Variants in ADAM30 observed in about 807,000 individuals in gnomAD.
ADAM30 encodes the protein disintegrin and metalloproteinase domain-containing protein 30.
For synonymous variants in ADAM30, 382 were observed against 340.9 expected, an observed-to-expected ratio of 1.12 and a Z score of -1.33; for missense variants, 960 against 959.4, an observed-to-expected ratio of 1.00 and a Z score of -0.01.
rs2793823 is a variant in ADAM30, at chr1:119,895,095, G to A, written c.1242C>T (p.Asp414=). 0.16 allele frequency: 261,349 copies of A among 1,613,932 alleles called. 31,295 individuals are homozygous for A. Among genetic ancestry groups the A allele is most frequent in the African/African-American group, 0.61 (45,745 of 74,932 alleles). The change falls in exon 1 of 1, where the codon GAC becomes GAT. Residue 414 remains aspartate, a synonymous_variant. Coordinates refer to ENST00000369400, the MANE Select transcript of ADAM30 (RefSeq NM_021794.4). ...NKIVEDNEEC[D]CGSTEECQKD... is the part of the protein sequence containing the mutation. The stretch of plus-strand genomic sequence containing the variant: ...TCTGACACTCCTCTGTGGAACCACA[G>A]TCACATTCCTCATTGTCCTCCACAA...
In ADAM30 at chr1:119,894,295, G is replaced by GC; in HGVS notation, c.2041dup (p.Ala681GlyfsTer51). On this transcript the variant is annotated frameshift_variant, in exon 1 of 1. Transcript: ENST00000369400. LOFTEE classifies it low-confidence loss of function (END_TRUNC). ...CACAACCCAAATTGACGAGGGAATC[G>GC]CCCCTCTGAGCAGTCCTGGAGGCCC... The GC allele has an allele frequency of 6.2e-7, 1 of 1,614,088 alleles. No individual in the cohort carries two copies. The highest frequency in any genetic ancestry group is 2.2e-5 in the East Asian group (1 of 44,892).
chr1:119,896,122 T>C lies in ADAM30; in HGVS notation c.215A>G (p.Lys72Arg). ...VSYLLQLKGKKHVLHLWPKRL... is the reference protein window; with the variant it reads ...VSYLLQLKGKRHVLHLWPKRL... ...CTTGGGCCACAAATGGAGGACGTGC[T>C]TCTTGCCTTTTAACTGCAGTAGGTA... Residue 72 changes from lysine to arginine, a missense_variant, in exon 1 of 1, where the codon AAG becomes AGG. Lys to Arg is a conservative substitution (Grantham distance 26). Transcript: ENST00000369400. The C allele has an allele frequency of 6.2e-7, 1 of 1,614,090 alleles. No homozygotes were observed. The highest frequency in any genetic ancestry group is 2.2e-5 in the East Asian group (1 of 44,878).
In ADAM30 at chr1:119,895,682, C is replaced by A. The variant is rs776477537; in HGVS notation, c.655G>T (p.Val219Leu). Residue 219 changes from valine (V) to leucine (L), a missense_variant, in exon 1 of 1, where the codon GTG (valine) becomes TTG (leucine). Val to Leu is a conservative substitution (Grantham distance 32). Coordinates refer to ENST00000369400, the MANE Select transcript of ADAM30 (RefSeq NM_021794.4). ...LLFDQSRYRF[V>L]NNNLSQVIHD... ...ATGACTTGAGAAAGATTGTTGTTCA[C>A]AAACCTATACCTACTTTGATCAAAG... 1 of 1,614,114 alleles carries A rather than the reference C, an allele frequency of 6.2e-7. No individual in the cohort carries two copies. Among genetic ancestry groups the A allele is most frequent in the Non-Finnish European group, 8.5e-7 (1 of 1,180,034 alleles).
At position 119,895,585 on chromosome 1, in the gene ADAM30, T is replaced by G. The variant is rs1378107188; in HGVS notation, c.752A>C (p.Lys251Thr). The change falls in exon 1 of 1, where the codon AAG (lysine) becomes ACG (threonine). Residue 251 changes from lysine to threonine, a missense_variant. Lys to Thr is a moderately conservative substitution (Grantham distance 78). Coordinates refer to ENST00000369400, the MANE Select transcript of ADAM30 (RefSeq NM_021794.4). ...AAAATCTGTCCATACTTCAAGAGCCTTTAAGTGTATCCTCATACGAACATC... is the reference window on the plus strand; with the variant it reads ...AAAATCTGTCCATACTTCAAGAGCCGTTAAGTGTATCCTCATACGAACATC... ...FQDVRMRIHL[K>T]ALEVWTDFNK... 1 of 1,613,882 alleles carries G rather than the reference T, an allele frequency of 6.2e-7. No homozygotes were observed. The highest frequency in any genetic ancestry group is 8.5e-7 in the Non-Finnish European group (1 of 1,180,022).
Position 119,894,678 on chromosome 1 carries a change from T to A in ADAM30, c.1659A>T (p.Ile553=), listed in dbSNP as rs751654778. 6.2e-7 allele frequency: 1 copy of A among 1,614,150 alleles called. No homozygotes were observed. Among genetic ancestry groups the A allele is most frequent in the Middle Eastern group, 1.6e-4 (1 of 6,062 alleles). The change falls in exon 1 of 1, where the codon ATA becomes ATT. Residue 553 remains isoleucine (I), a synonymous_variant. Coordinates refer to ENST00000369400, the MANE Select transcript of ADAM30 (RefSeq NM_021794.4). ...NFKKCESANS[I]CGRLQCINVE... ...CATTTATACACTGTAGCCTGCCACA[T>A]ATTGAATTTGCACTTTCACACTTTT...
Position 119,895,876 on chromosome 1 carries a change from C to G in ADAM30, c.461G>C (p.Ser154Thr). The change falls in exon 1 of 1, where the codon AGT becomes ACT. Residue 154 changes from serine to threonine, a missense_variant. Physicochemically the swap from Ser to Thr is moderately conservative, Grantham distance 58. Transcript: ENST00000369400. ...CAGGAGATAGACGACATGTTCAAAA[C>G]TGGGAGAGGCCTTGAGGGGCTCAAT... Reference protein sequence around the residue: ...YQIEPLKASPSFEHVVYLLKK... With the variant: ...YQIEPLKASPTFEHVVYLLKK... 6.2e-7 allele frequency: 1 copy of G among 1,614,156 alleles called. No individual in the cohort carries two copies. Among genetic ancestry groups the G allele is most frequent in the Non-Finnish European group, 8.5e-7 (1 of 1,180,036 alleles).
Position 119,895,357 on chromosome 1 carries a change from G to A in ADAM30, c.980C>T (p.Thr327Ile). The change falls in exon 1 of 1, where the codon ACA becomes ATA. Residue 327 changes from threonine to isoleucine, a missense_variant. Thr to Ile is a moderately conservative substitution (Grantham distance 89, BLOSUM62 -1). Transcript: ENST00000369400. ...YAGSVSTLLD[T>I]NILAPATWSA... is the part of the protein sequence containing the mutation. ...CCAGGTAGCAGGGGCAAGGATATTT[G>A]TATCTAGTAAAGTACTCACTGATCC... 1.2e-6 allele frequency: 2 copies of A among 1,614,098 alleles called. No individual in the cohort carries two copies. The highest frequency in any genetic ancestry group is 1.7e-6 in the Non-Finnish European group (2 of 1,180,024).
In ADAM30 at chr1:119,895,266, A is replaced by T. The variant is rs992094249; in HGVS notation, c.1071T>A (p.Gly357=). ...SHDEQYCQCR[G]RLNCIMGSGR... ...CTGAGCCCATGATGCAATTAAGCCTACCCCTACATTGGCAGTATTGTTCAT... is the reference window on the plus strand; with the variant it reads ...CTGAGCCCATGATGCAATTAAGCCTTCCCCTACATTGGCAGTATTGTTCAT... The change falls in exon 1 of 1, where the codon GGT becomes GGA. Residue 357 remains glycine, a synonymous_variant. Coordinates refer to ENST00000369400, the MANE Select transcript of ADAM30 (RefSeq NM_021794.4). The T allele has an allele frequency of 2.5e-6, 4 of 1,614,004 alleles. No homozygotes were observed. Among genetic ancestry groups the T allele is most frequent in the Non-Finnish European group, 3.4e-6 (4 of 1,180,002 alleles).
In ADAM30 at chr1:119,893,991, T is replaced by C. The variant is rs1040440428; in HGVS notation, c.2346A>G (p.Ala782=). ...KANIESKRPK[A]KSVKKQKK Reference sequence around the variant, plus strand: ...ACTTTTTTTGTTTCTTGACACTCTTTGCTTTGGGTCGTTTACTTTCAATGT... The same window carrying C: ...ACTTTTTTTGTTTCTTGACACTCTTCGCTTTGGGTCGTTTACTTTCAATGT... The change falls in exon 1 of 1, where the codon GCA becomes GCG. Residue 782 remains alanine (A), a synonymous_variant. Coordinates refer to ENST00000369400, the MANE Select transcript of ADAM30 (RefSeq NM_021794.4). 2.5e-6 allele frequency: 4 copies of C among 1,611,130 alleles called. No homozygotes were observed. Among genetic ancestry groups the C allele is most frequent in the Non-Finnish European group, 3.4e-6 (4 of 1,179,374 alleles).
Position 119,893,962 on chromosome 1 carries a change from G to A in ADAM30, c.*2C>T, listed in dbSNP as rs371480228. The A allele has an allele frequency of 1.0e-4, 163 of 1,605,606 alleles. 1 individual carries two copies. Among genetic ancestry groups the A allele is most frequent in the South Asian group, 9.0e-4 (80 of 88,540 alleles). On this transcript the variant is annotated 3_prime_UTR_variant, in exon 1 of 1. Coordinates refer to ENST00000369400, the MANE Select transcript of ADAM30 (RefSeq NM_021794.4). ...GTTACTGAATGAGTATGGATTGCCC[G>A]GTTACTTTTTTTGTTTCTTGACACT... is the stretch of plus-strand genomic sequence containing the variant.
In ADAM30 at chr1:119,894,145, TC is replaced by T; in HGVS notation, c.2191del (p.Glu731AsnfsTer95). 6.2e-7 allele frequency: 1 copy of T among 1,613,712 alleles called. No individual in the cohort carries two copies. The highest frequency in any genetic ancestry group is 1.3e-5 in the African/African-American group (1 of 74,970). On this transcript the variant is annotated frameshift_variant, in exon 1 of 1. Coordinates refer to ENST00000369400, the MANE Select transcript of ADAM30 (RefSeq NM_021794.4). LOFTEE classifies it low-confidence loss of function (END_TRUNC). ...AGTTTTTGTTTTAGATTCTTCCTGT[TC>T]AGTTTTTGCTTTGGATAGTGGCATT... The part of the protein sequence containing the change: ...EKMPLSKAKT[E>X]QEESKTKTVQ...
At position 119,896,085 on chromosome 1, in the gene ADAM30, CAA is replaced by C; in HGVS notation, c.250_251del (p.Leu84AlafsTer39). On this transcript the variant is annotated frameshift_variant, in exon 1 of 1. Coordinates refer to ENST00000369400, the MANE Select transcript of ADAM30 (RefSeq NM_021794.4). LOFTEE classifies it low-confidence loss of function (END_TRUNC). ...VLHLWPKRLL[L>X]PRHLRVFSFT... ...AGGAGAAAACGCGCAGATGTCGGGGCAACAGAAGTCTCTTGGGCCACAAATGG... is the reference window on the plus strand; with the variant it reads ...AGGAGAAAACGCGCAGATGTCGGGGCCAGAAGTCTCTTGGGCCACAAATGG... 3 of 1,614,092 alleles carry C rather than the reference CAA, an allele frequency of 1.9e-6. No individual in the cohort carries two copies. Among genetic ancestry groups the C allele is most frequent in the Non-Finnish European group, 2.5e-6 (3 of 1,180,012 alleles).
At position 119,896,405 on chromosome 1, in the gene ADAM30, C is replaced by T. The variant is rs1557795957; in HGVS notation, c.-69G>A. On this transcript the variant is annotated 5_prime_UTR_variant, in exon 1 of 1. Coordinates refer to ENST00000369400, the MANE Select transcript of ADAM30 (RefSeq NM_021794.4). The stretch of plus-strand genomic sequence containing the variant: ...AACTCTGGCCTCGCGAGTCAGATTT[C>T]TGGGGGCCGCCGCTAGAGGCGCCTG... 1 of 1,454,104 alleles carries T rather than the reference C, an allele frequency of 6.9e-7. No individual in the cohort carries two copies. The highest frequency in any genetic ancestry group is 9.1e-7 in the Non-Finnish European group (1 of 1,102,898). 90.1% of individuals were successfully genotyped at this position (1,454,104 alleles called of 1,614,324 possible). A position where few individuals can be genotyped will look rare whatever the true frequency, so the allele number is the denominator to read the frequency against.
rs1648493054 is a variant in ADAM30, at chr1:119,893,945, ATGAG to A, written c.*15_*18del. ...TAAATAAATGAGCCTGTGTTACTGA[ATGAG>A]TATGGATTGCCCGGTTACTTTTTTT... On this transcript the variant is annotated 3_prime_UTR_variant, in exon 1 of 1. Transcript: ENST00000369400. 6.3e-7 allele frequency: 1 copy of A among 1,591,174 alleles called. No individual in the cohort carries two copies.
chr1:119,894,779 T>G lies in ADAM30; in HGVS notation c.1558A>C (p.Ser520Arg). The G allele has an allele frequency of 6.2e-7, 1 of 1,614,214 alleles. No individual in the cohort carries two copies. The highest frequency in any genetic ancestry group is 1.1e-5 in the South Asian group (1 of 91,084). Residue 520 changes from serine (S) to arginine (R), a missense_variant, in exon 1 of 1, where the codon AGT becomes CGT. Physicochemically the swap from Ser to Arg is moderately radical, Grantham distance 110. Coordinates refer to ENST00000369400, the MANE Select transcript of ADAM30 (RefSeq NM_021794.4). The part of the protein sequence containing the change: ...IFGPDAMEAP[S>R]ECYDAVNLIG... ...AAGTTAACTGCATCATAGCACTCAC[T>G]AGGAGCCTCCATGGCATCAGGTCCA...
rs748073569 is a variant in ADAM30, at chr1:119,894,258, C to T, written c.2079G>A (p.Met693Ile). The T allele has an allele frequency of 4.3e-6, 7 of 1,614,182 alleles. No homozygotes were observed. The highest frequency in any genetic ancestry group is 1.6e-4 in the Middle Eastern group (1 of 6,062). The part of the protein sequence containing the change: ...PSSIWVVSII[M>I]FRLILLILSV... ...AAAGGATTAATAAAATAAGGCGAAA[C>T]ATTATGATGGACACAACCCAAATTG... The change falls in exon 1 of 1, where the codon ATG (methionine) becomes ATA (isoleucine). Residue 693 changes from methionine (M) to isoleucine (I), a missense_variant. Physicochemically the swap from Met to Ile is conservative, Grantham distance 10. Coordinates refer to ENST00000369400, the MANE Select transcript of ADAM30 (RefSeq NM_021794.4).
Position 119,894,756 on chromosome 1 carries a change from G to A in ADAM30, c.1581C>T (p.Asn527=), listed in dbSNP as rs587721604. ...EAPSECYDAV[N]LIGDQFGNCE... The stretch of plus-strand genomic sequence containing the variant: ...AGTTACCAAATTGATCACCTATTAA[G>A]TTAACTGCATCATAGCACTCACTAG... Residue 527 remains asparagine (N), a synonymous_variant, in exon 1 of 1, where the codon AAC becomes AAT. Transcript: ENST00000369400. 6.2e-6 allele frequency: 10 copies of A among 1,614,100 alleles called. No individual in the cohort carries two copies. The highest frequency in any genetic ancestry group is 3.3e-5 in the Admixed American group (2 of 60,016).
Position 119,895,601 on chromosome 1 carries a change from T to C in ADAM30, c.736A>G (p.Met246Val), listed in dbSNP as rs1038778056. 5.0e-6 allele frequency: 8 copies of C among 1,613,896 alleles called. No individual in the cohort carries two copies. The African/African-American group carries it at 6.7e-5, about 13-fold the overall frequency. Reference sequence around the variant, plus strand: ...TCAAGAGCCTTTAAGTGTATCCTCATACGAACATCTTGAAAGTAGGTGTCC... The same window carrying C: ...TCAAGAGCCTTTAAGTGTATCCTCACACGAACATCTTGAAAGTAGGTGTCC... ...IMDTYFQDVR[M>V]RIHLKALEVW... Residue 246 changes from methionine to valine, a missense_variant, in exon 1 of 1, where the codon ATG (methionine) becomes GTG (valine). Transcript: ENST00000369400.
Position 119,894,985 on chromosome 1 carries a change from C to T in ADAM30, c.1352G>A (p.Arg451His), listed in dbSNP as rs777017829. The change falls in exon 1 of 1, where the codon CGT (arginine) becomes CAT (histidine). Residue 451 changes from arginine to histidine, a missense_variant. By Grantham distance (29) the Arg-to-His change is conservative. Transcript: ENST00000369400. ...IGLCCHDCRF[R>H]PSGYVCRQEG... ...CTGCCTACACACGTATCCAGATGGA[C>T]GAAACCGACAATCATGACAGCAAAG... The T allele has an allele frequency of 2.0e-5, 32 of 1,614,046 alleles. No homozygotes were observed. The highest frequency in any genetic ancestry group is 1.1e-4 in the East Asian group (5 of 44,894).
Sources: gnomAD v4.1 joint callset for allele counts on GRCh38, gnomAD v4.1.1 for gene constraint, MANE v1.5 for transcripts, NCBI Gene and HGNC (gene_info 2026-07-23, HGNC 2026-07-21) for gene names.